Variants in WWOX observed in about 807,000 individuals in gnomAD.
WWOX encodes WW domain-containing oxidoreductase.
In WWOX, 69 loss-of-function variants were observed where a neutral mutation model predicts 46.2. That is an observed-to-expected ratio of 1.49 (90% confidence interval 1.23 to 1.82). The LOEUF (loss-of-function observed/expected upper bound fraction) is 1.82, where lower values mean the gene tolerates loss of function less well. Ranked by LOEUF, WWOX falls within the 40% of genes most tolerant of loss-of-function variation. WWOX has a pLI of 0.00. For synonymous variants in WWOX, 359 were observed against 202.6 expected, an observed-to-expected ratio of 1.77 and a Z score of -6.56; for missense variants, 919 against 542.6, an observed-to-expected ratio of 1.69 and a Z score of -6.89.
intron 8 of WWOX, among the ~76,000 whole-genome samples, chr16:78,935,931 TAAG>T (rs1409971678): frequency 6.6e-6 from 1 of 151,358 alleles, no homozygotes; most frequent in African/African-American, 2.4e-5. Context: ...TAAAATAAAA[TAAG>T]CAGCAGCAGC....
At chr16:78,945,237 A>T (rs1597187055) in intron 8 of WWOX, among the ~76,000 whole-genome samples, 1 of 152,304 alleles carries the variant, frequency 6.6e-6, no homozygotes, top group East Asian at 1.9e-4. Context: ...GAACAAATGA[A>T]AACCAAATAA....
chr16:79,181,031 T>C (rs1018869638), intron 8 of WWOX, among the ~76,000 whole-genome samples: 1 of 152,202 alleles, frequency 6.6e-6, no homozygotes, highest in Non-Finnish European at 1.5e-5. Flanking sequence ...AGTTAATACA[T>C]GCTCATTTAA....
chr16:78,936,467 A>T (rs1305949921), intron 8 of WWOX, among the ~76,000 whole-genome samples: 2 of 152,132 alleles, frequency 1.3e-5, no homozygotes, highest in African/African-American at 4.8e-5. Flanking sequence ...CTCAGTGAAT[A>T]AATAGGTACA....
intron 8 of WWOX, among the ~76,000 whole-genome samples, chr16:78,625,474 G>T (rs1175694373): frequency 6.6e-6 from 1 of 152,166 alleles, no homozygotes; most frequent in East Asian, 1.9e-4. Flanking sequence ...TTTTGAAACA[G>T]ACTTCGTTAG....
At chr16:79,007,324 C>A (rs930221480) in intron 8 of WWOX, among the ~76,000 whole-genome samples, 1 of 152,158 alleles carries the variant, frequency 6.6e-6, no homozygotes, top group African/African-American at 2.4e-5. Context: ...AACTCTAAAA[C>A]ATGAGGAAAG....
intron 8 of WWOX, among the ~76,000 whole-genome samples, chr16:79,048,031 C>T (rs2048098086): frequency 6.6e-6 from 1 of 152,166 alleles, no homozygotes. Context: ...TATAGACTGG[C>T]ATCCCTCTGC....
intron 5 of WWOX, among the ~76,000 whole-genome samples, chr16:78,214,827 A>T (rs983636248): frequency 1.2e-5 from 1 of 85,736 alleles, no homozygotes; most frequent in African/African-American, 7.6e-5. Context: ...ATGAATAAAT[A>T]TTACCAAAAA....
chr16:79,043,743 A>C (rs1287982058), intron 8 of WWOX, among the ~76,000 whole-genome samples: 1 of 152,220 alleles, frequency 6.6e-6, no homozygotes, highest in East Asian at 1.9e-4. Context: ...CTCTGGATCC[A>C]GGCTGAAATG....
intron 8 of WWOX, among the ~76,000 whole-genome samples, chr16:79,039,551 C>T (rs2047932226): frequency 6.6e-6 from 1 of 152,288 alleles, no homozygotes; most frequent in East Asian, 1.9e-4. Context: ...TGACTGTGTC[C>T]ATGGTCGAGG....
chr16:79,062,032 G>A (rs1165465788), intron 8 of WWOX, among the ~76,000 whole-genome samples: 1 of 152,110 alleles, frequency 6.6e-6, no homozygotes, highest in East Asian at 1.9e-4. Flanking sequence ...GGAGAGTATG[G>A]TTTGTGATGC....
At chr16:79,013,349 G>A (rs911820199) in intron 8 of WWOX, among the ~76,000 whole-genome samples, 2 of 152,228 alleles carry the variant, frequency 1.3e-5, no homozygotes, top group Non-Finnish European at 2.9e-5. Flanking sequence ...GTACAGGGAT[G>A]TGTCTGACCC....
At chr16:78,560,510 G>C (rs1033094831) in intron 8 of WWOX, among the ~76,000 whole-genome samples, 1 of 152,074 alleles carries the variant, frequency 6.6e-6, no homozygotes, top group Non-Finnish European at 1.5e-5. Context: ...CGGGTGTGGC[G>C]GTGCATGCCT....
chr16:78,433,691 C>G (rs935802559), intron 8 of WWOX, among the ~76,000 whole-genome samples: 1 of 151,804 alleles, frequency 6.6e-6, no homozygotes, highest in Non-Finnish European at 1.5e-5. Flanking sequence ...TATCCTCCAG[C>G]TGATCTCACG....
At chr16:78,299,542 A>T (rs2080003521) in intron 5 of WWOX, among the ~76,000 whole-genome samples, 1 of 145,504 alleles carries the variant, frequency 6.9e-6, no homozygotes, top group East Asian at 2.0e-4. Flanking sequence ...TTTTGGAGAC[A>T]GTGTCTTGCT....
chr16:78,191,009 G>A (rs761321587), intron 5 of WWOX, among the ~76,000 whole-genome samples: 8 of 152,116 alleles, frequency 5.3e-5, no homozygotes, highest in Admixed American at 1.3e-4. Flanking sequence ...CCACATACCA[G>A]CTTGATGGTG....
Position 78,406,961 on chromosome 16 carries a change from A to G in WWOX, c.606-17909A>G, listed in dbSNP as rs187450360. Among the ~76,000 whole-genome samples the G allele has an allele frequency of 8.7e-4, 133 of 152,132 alleles. 3 individuals are homozygous for G. Among genetic ancestry groups the G allele is most frequent in the Admixed American group, 4.9e-3 (75 of 15,264 alleles). ...AATTTTTATAAACTCCTTGGATGCT[A>G]CCTAAAATCATCTTGTTTTGCTAGT... is the stretch of plus-strand genomic sequence containing the variant. On this transcript the variant is annotated intron_variant, in intron 6 of 8. Transcript: ENST00000566780.
At chr16:78,323,055 T>A (rs1382511242) in intron 5 of WWOX, among the ~76,000 whole-genome samples, 1 of 151,968 alleles carries the variant, frequency 6.6e-6, no homozygotes, top group African/African-American at 2.4e-5. Context: ...AAGAAGAAAA[T>A]AAAACAGGCG....
At chr16:78,135,405 C>T (rs191509529) in intron 4 of WWOX, among the ~76,000 whole-genome samples, 183 of 152,232 alleles carry the variant, frequency 1.2e-3, no homozygotes, top group Middle Eastern at 3.4e-3. Context: ...GCATAAAAGA[C>T]GTACAGTAGG....
intron 5 of WWOX, among the ~76,000 whole-genome samples, chr16:78,241,381 C>A (rs563945238): frequency 2.0e-5 from 3 of 152,100 alleles, no homozygotes; most frequent in African/African-American, 4.8e-5. Context: ...CTTGTTCCAG[C>A]CTTGATGGTG....
Sources: allele counts gnomAD v4.1 joint callset (sites outside exome capture counted in the v4.1 genomes callset), GRCh38; gene constraint gnomAD v4.1.1; transcripts MANE v1.5; gene names NCBI Gene and HGNC (gene_info 2026-07-23, HGNC 2026-07-21).